Variants in CLYBL observed in about 807,000 individuals in gnomAD.
CLYBL encodes the protein citramalyl-CoA lyase, mitochondrial.
CLYBL carries 31 observed loss-of-function variants against 38.9 expected under a neutral mutation model. The observed-to-expected ratio is 0.80, with a 90% CI of 0.60 to 1.08. CLYBL has a LOEUF of 1.08. Among genes scored for constraint, CLYBL ranks in the 50% least tolerant of loss-of-function variants. The probability of loss-of-function intolerance (pLI) is 0.00; values close to 1 mark genes in which losing one functional copy is unlikely to be tolerated. For missense variants in CLYBL, 434 were observed against 411.6 expected (o/e 1.05, Z -0.47); for synonymous variants, 171 against 158.6 (o/e 1.08, Z -0.59).
At chr13:99,830,861 G>A (rs553922400) in intron 2 of CLYBL, among the ~76,000 whole-genome samples, 11 of 152,338 alleles carry the variant, frequency 7.2e-5, no homozygotes, top group African/African-American at 2.6e-4. Flanking sequence ...ACCTGTGAAT[G>A]TGACCTTATT....
At chr13:99,793,035 C>CACACACACACACACAA (rs2049950663) in intron 2 of CLYBL, among the ~76,000 whole-genome samples, 1 of 46,278 alleles carries the variant, frequency 2.2e-5, no homozygotes, top group Non-Finnish European at 5.4e-5. Context: ...GCATACATAA[C>CACACACACACACACAA]ACACACACAC....
intron 3 of CLYBL, among the ~76,000 whole-genome samples, chr13:99,862,568 AG>A (rs1273623264): frequency 4.6e-5 from 7 of 152,254 alleles, no homozygotes; most frequent in Non-Finnish European, 7.3e-5. Flanking sequence ...GCTGCTGAAC[AG>A]TTGCACTGAT....
intron 9 of CLYBL, among the ~76,000 whole-genome samples, chr13:99,906,687 G>A (rs960193604): frequency 2.0e-5 from 3 of 152,174 alleles, no homozygotes; most frequent in Non-Finnish European, 4.4e-5. Context: ...GCCTCCCAAA[G>A]TGCTGGGCTT....
At chr13:99,607,126 C>G (rs1383114311) in intron 1 of CLYBL, among the ~76,000 whole-genome samples, 1 of 152,162 alleles carries the variant, frequency 6.6e-6, no homozygotes, top group East Asian at 1.9e-4. Flanking sequence ...GGTTCCCAAA[C>G]GGTTTGGTCT....
At chr13:99,783,201 C>T (rs960650996) in intron 2 of CLYBL, among the ~76,000 whole-genome samples, 1 of 151,822 alleles carries the variant, frequency 6.6e-6, no homozygotes, top group African/African-American at 2.4e-5. Flanking sequence ...CACCACCACG[C>T]CCAGCTGATT....
intron 1 of CLYBL, among the ~76,000 whole-genome samples, chr13:99,757,327 C>G (rs1566314473): frequency 1.3e-5 from 2 of 152,136 alleles, no homozygotes; most frequent in African/African-American, 4.8e-5. Flanking sequence ...GCATTTGACT[C>G]AGTTAGAAAT....
At chr13:99,884,619 G>A (rs987517838) in intron 7 of CLYBL, among the ~76,000 whole-genome samples, 6 of 152,188 alleles carry the variant, frequency 3.9e-5, no homozygotes, top group African/African-American at 1.4e-4. Context: ...CATTAGACTG[G>A]AAGCCCTGTG....
downstream of CLYBL, chr13:99,895,843 A>G (rs1046269359): frequency 2.3e-5 from 3 of 131,772 alleles, no homozygotes; most frequent in East Asian, 2.3e-4. Context: ...CTGCGGGGCG[A>G]GTTCGTTTTG....
At chr13:99,706,457 G>A (rs994249503) in intron 1 of CLYBL, among the ~76,000 whole-genome samples, 10 of 152,150 alleles carry the variant, frequency 6.6e-5, no homozygotes, top group African/African-American at 1.9e-4. Context: ...AGGTAGGCAC[G>A]GTGGCTGTGC....
At chr13:99,626,339 G>A (rs1162195967) in intron 1 of CLYBL, among the ~76,000 whole-genome samples, 3 of 152,222 alleles carry the variant, frequency 2.0e-5, no homozygotes, top group African/African-American at 4.8e-5. Context: ...GAGAGCGGGG[G>A]AGGTTGAGGC....
chr13:99,875,188 A>G (rs2052005743), intron 7 of CLYBL, among the ~76,000 whole-genome samples: 1 of 152,260 alleles, frequency 6.6e-6, no homozygotes, highest in Non-Finnish European at 1.5e-5. Context: ...TGTCAGAAAC[A>G]AGATCACTAC....
At chr13:99,779,223 A>G (rs2049587561) in intron 2 of CLYBL, among the ~76,000 whole-genome samples, 1 of 152,008 alleles carries the variant, frequency 6.6e-6, no homozygotes, top group East Asian at 1.9e-4. Context: ...GCTCACTGCA[A>G]CCTCTGCCTC....
At chr13:99,639,305 C>G (rs115984313) in intron 1 of CLYBL, among the ~76,000 whole-genome samples, 76 of 152,262 alleles carry the variant, frequency 5.0e-4, no homozygotes, top group African/African-American at 1.8e-3. Flanking sequence ...TCATTAATGC[C>G]CACACAATGT....
chr13:99,807,915 C>T (rs1235494336), intron 2 of CLYBL, among the ~76,000 whole-genome samples: 5 of 152,032 alleles, frequency 3.3e-5, no homozygotes, highest in Non-Finnish European at 7.4e-5. Flanking sequence ...TTAGCAGCAA[C>T]TTGTGAGAGA....
At chr13:99,868,501 A>C (rs1469957200) in intron 6 of CLYBL, among the ~76,000 whole-genome samples, 1 of 152,224 alleles carries the variant, frequency 6.6e-6, no homozygotes, top group East Asian at 1.9e-4. Context: ...TGAAAGGTTT[A>C]AAATCCAATG....
At chr13:99,763,786 C>G (rs1337317503) in intron 1 of CLYBL, among the ~76,000 whole-genome samples, 1 of 152,074 alleles carries the variant, frequency 6.6e-6, no homozygotes, top group East Asian at 1.9e-4. Flanking sequence ...AACTCCCGAC[C>G]TCATGATCTG....
At chr13:99,778,866 A>G (rs2049578348) in intron 2 of CLYBL, among the ~76,000 whole-genome samples, 2 of 152,246 alleles carry the variant, frequency 1.3e-5, no homozygotes, top group African/African-American at 4.8e-5. Flanking sequence ...CTGCCATTTC[A>G]GTTGAATGGA....
At chr13:99,746,025 T>TA (rs2048844037) in intron 1 of CLYBL, among the ~76,000 whole-genome samples, 1 of 49,152 alleles carries the variant, frequency 2.0e-5, no homozygotes, top group African/African-American at 5.1e-5. Context: ...TCATGACAGT[T>TA]ACCAAAAAAA....
intron 2 of CLYBL, among the ~76,000 whole-genome samples, chr13:99,829,613 T>C (rs2046950006): frequency 6.6e-6 from 1 of 152,186 alleles, no homozygotes; most frequent in South Asian, 2.1e-4. Flanking sequence ...GTGAGGAGAA[T>C]TATTTTCTAG....
Sources: allele counts gnomAD v4.1 joint callset (sites outside exome capture counted in the v4.1 genomes callset), GRCh38; gene constraint gnomAD v4.1.1; transcripts MANE v1.5; gene names NCBI Gene and HGNC (gene_info 2026-07-23, HGNC 2026-07-21).